MATK: variants seen among roughly 807,000 people sequenced by gnomAD.
MATK encodes the protein megakaryocyte-associated tyrosine kinase.
A neutral mutation model predicts 59.8 loss-of-function variants in MATK; 41 were observed. The observed-to-expected ratio is 0.69, with a 90% confidence interval of 0.53 to 0.89. The LOEUF (loss-of-function observed/expected upper bound fraction) is 0.89, where lower values mean the gene tolerates loss of function less well. MATK is among the 40% of genes least tolerant of loss of function. The pLI, the probability that MATK is intolerant of heterozygous loss-of-function variation, is 0.00. For synonymous variants in MATK, 308 were observed against 306.1 expected (o/e 1.01, Z -0.06); for missense variants, 593 against 719.6 (o/e 0.82, Z 2.01).
rs375962471 is a variant in MATK at position 3,778,506 on chromosome 19, C to T, written c.1284+3G>A. 1.2e-6 allele frequency: 2 copies of T among 1,613,838 alleles called. No individual in the cohort carries two copies. The highest frequency in any genetic ancestry group is 1.3e-5 in the African/African-American group (1 of 74,930). On this transcript the variant is annotated splice_donor_region_variant and intron_variant, in intron 13 of 13. Transcript: ENST00000310132. The stretch of plus-strand genomic sequence containing the variant: ...CCAGTGCCTCCCTGGGACCCCCGCT[C>T]ACCATTTTAGGGTACGGAGCCCGTC...
Position 3,783,866 on chromosome 19 carries a change from T to G in MATK, c.530A>C (p.His177Pro). The G allele has an allele frequency of 3.7e-6, 6 of 1,613,088 alleles. No homozygotes were observed. Among genetic ancestry groups the G allele is most frequent in the Non-Finnish European group, 5.1e-6 (6 of 1,179,844 alleles). Residue 177 changes from histidine to proline, a missense_variant, in exon 6 of 14, where the codon CAC (histidine) becomes CCC (proline). By Grantham distance (77) the His-to-Pro change is moderately conservative (BLOSUM62 -2). Transcript: ENST00000310132. ...GAACACGGCCTCATCGATTGTGAGGTGGCCGTCGCGGTGCAGCACGCGGTA... is the reference window on the plus strand; with the variant it reads ...GAACACGGCCTCATCGATTGTGAGGGGGCCGTCGCGGTGCAGCACGCGGTA... ...IHYRVLHRDG[H>P]LTIDEAVFFC...
chr19:3,781,550 G>A, intron 8 of MATK, 57 bp downstream of exon 8: 2 of 1,570,162 alleles, frequency 1.3e-6, no homozygotes, highest in Non-Finnish European at 1.8e-6. Flanking sequence ...TGACTCCAAA[G>A]CCTCAATACG....
At chr19:3,786,500 G>T, upstream of MATK, 2 of 660,476 alleles carry the variant, frequency 3.0e-6, no homozygotes, top group Non-Finnish European at 3.7e-6. The surrounding 1 kb of genome is among the most constrained non-coding windows in gnomAD (Gnocchi z 4.1). Flanking sequence ...TCCACGCCTG[G>T]CCCTGACCTG....
rs547868630 is a variant in MATK at position 3,783,855 on chromosome 19, C to G, written c.541G>C (p.Asp181His). 2 of 1,612,976 alleles carry G rather than the reference C, an allele frequency of 1.2e-6. No individual in the cohort carries two copies. The highest frequency in any genetic ancestry group is 1.7e-5 in the Admixed American group (1 of 59,984). The change falls in exon 6 of 14, where the codon GAT (aspartate) becomes CAT (histidine). Residue 181 changes from aspartate to histidine, a missense_variant. By Grantham distance (81) the Asp-to-His change is moderately conservative. Coordinates refer to ENST00000310132, the MANE Select transcript of MATK (RefSeq NM_139355.3). Reference sequence around the variant, plus strand: ...AGGTTGCAGAAGAACACGGCCTCATCGATTGTGAGGTGGCCGTCGCGGTGC... The same window carrying G: ...AGGTTGCAGAAGAACACGGCCTCATGGATTGTGAGGTGGCCGTCGCGGTGC... ...VLHRDGHLTI[D>H]EAVFFCNLMD...
intron 1 of MATK, chr19:3,793,160 G>A (rs2037558715): frequency 6.6e-6 from 1 of 152,224 alleles, no homozygotes; most frequent in African/African-American, 2.4e-5. Flanking sequence ...CGTCTTTGCT[G>A]GAAAACCCTT....
At chr19:3,800,553 G>A (rs2037633954) in intron 1 of MATK, among the ~76,000 whole-genome samples, 1 of 152,086 alleles carries the variant, frequency 6.6e-6, no homozygotes, top group Non-Finnish European at 1.5e-5. Context: ...GGCTGAGGCA[G>A]GAGAATCGCC....
chr19:3,791,411 C>T (rs900043276), upstream of MATK, among the ~76,000 whole-genome samples: 4 of 149,402 alleles, frequency 2.7e-5, no homozygotes, highest in African/African-American at 7.4e-5. Context: ...GGCACGATTT[C>T]GGCTCACTGC....
At chr19:3,783,540 TG>T (rs2037431159) in intron 6 of MATK, among the ~76,000 whole-genome samples, 1 of 151,490 alleles carries the variant, frequency 6.6e-6, no homozygotes, top group South Asian at 2.1e-4. Flanking sequence ...AATCCTACTG[TG>T]GGGGTCCTCC....
At chr19:3,791,003 G>C (rs1387890174), upstream of MATK, among the ~76,000 whole-genome samples, 5 of 152,126 alleles carry the variant, frequency 3.3e-5, no homozygotes, top group Admixed American at 3.3e-4. Context: ...GGAAAGACTG[G>C]TTCCGTATCC....
chr19:3,781,741 G>A (rs1013041343), intron 7 of MATK, 69 bp from the exon 8 acceptor site: 2 of 1,252,666 alleles, frequency 1.6e-6, no homozygotes, highest in African/African-American at 1.5e-5. Context: ...GTTCTACTTG[G>A]TGAGAGACTA....
Position 3,779,206 on chromosome 19 carries a change from AGT to A in MATK, c.1002-21_1002-20del, listed in dbSNP as rs757341443. ...CACGTGCCTGGGGGTAGTAGGGGGC[AGT>A]GGGGGCTCAGGTGCCAGGATGCCCA... On this transcript the variant is annotated intron_variant, in intron 11 of 13. Transcript: ENST00000310132. The A allele has an allele frequency of 8.9e-6, 14 of 1,566,736 alleles. No individual in the cohort carries two copies. In the African/African-American group the frequency reaches 1.6e-4, roughly 18 times the overall value.
intron 13 of MATK, 37 bp from the exon 14 acceptor site, chr19:3,778,459 A>C: frequency 6.2e-7 from 1 of 1,613,652 alleles, no homozygotes; most frequent in Non-Finnish European, 8.5e-7. Flanking sequence ...TCAGGGCCAC[A>C]GCCTCTGGAC....
At chr19:3,788,609 A>C (rs2037512130), upstream of MATK, among the ~76,000 whole-genome samples, 2 of 116,824 alleles carry the variant, frequency 1.7e-5, no homozygotes, top group East Asian at 2.5e-4. Context: ...ACAGAGTGAG[A>C]CTCTGTCTCC....
chr19:3,784,105 C>T lies in MATK; in HGVS notation c.362+19G>A. 1 of 1,598,682 alleles carries T rather than the reference C, an allele frequency of 6.3e-7. No individual in the cohort carries two copies. ...TCACTTGCTGTCCCCTACCCCAGGC[C>T]CCTGTCCTGCCCACTCACGGCATGA... is the stretch of plus-strand genomic sequence containing the variant. On this transcript the variant is annotated intron_variant, in intron 5 of 13. Transcript: ENST00000310132.
chr19:3,796,359 T>C (rs1266439856), intron 1 of MATK, among the ~76,000 whole-genome samples: 1 of 152,188 alleles, frequency 6.6e-6, no homozygotes, highest in African/African-American at 2.4e-5. Context: ...GATTTATCAG[T>C]TGGATGTTGT....
chr19:3,783,896 A>G lies in MATK; in HGVS notation c.500T>C (p.Ile167Thr). The change falls in exon 6 of 14, where the codon ATC becomes ACC. Residue 167 changes from isoleucine to threonine, a missense_variant. Physicochemically the swap from Ile to Thr is moderately conservative, Grantham distance 89. Transcript: ENST00000310132. Reference protein sequence around the residue: ...VLCVSFGRDVIHYRVLHRDGH... With the variant: ...VLCVSFGRDVTHYRVLHRDGH... ...GTCGCGGTGCAGCACGCGGTAGTGG[A>G]TGACGTCGCGGCCAAAGCTCACGCA... 6.2e-7 allele frequency: 1 copy of G among 1,613,038 alleles called. No homozygotes were observed. The highest frequency in any genetic ancestry group is 8.5e-7 in the Non-Finnish European group (1 of 1,179,882).
chr19:3,779,597 A>T lies in MATK; in HGVS notation c.863T>A (p.Leu288Gln). ...AVMTKMQHEN[L>Q]VRLLGVILHQ... ...CAGGATCACGCCCAGGAGACGCACCAGGTTCTCGTGTTGCATCTTCCTGGG... is the reference window on the plus strand; with the variant it reads ...CAGGATCACGCCCAGGAGACGCACCTGGTTCTCGTGTTGCATCTTCCTGGG... The change falls in exon 10 of 14, where the codon CTG becomes CAG. Residue 288 changes from leucine to glutamine, a missense_variant. Transcript: ENST00000310132. 1 of 1,611,818 alleles carries T rather than the reference A, an allele frequency of 6.2e-7. No homozygotes were observed. Among genetic ancestry groups the T allele is most frequent in the Non-Finnish European group, 8.5e-7 (1 of 1,179,444 alleles).
intron 5 of MATK, 21 bp from the exon 6 acceptor site, chr19:3,784,054 G>A (rs2037441793): frequency 6.3e-7 from 1 of 1,597,316 alleles, no homozygotes; most frequent in Admixed American, 1.7e-5. Flanking sequence ...GGAAGGGGTG[G>A]GTCAGACTGG....
At chr19:3,783,073 G>A in intron 7 of MATK, 53 bp downstream of exon 7, 2 of 1,575,992 alleles carry the variant, frequency 1.3e-6, no homozygotes, top group Non-Finnish European at 1.7e-6. Context: ...CTTCCTCCCG[G>A]ACTGGGCTAA....
Sources: gnomAD v4.1 joint callset for allele counts (sites outside exome capture counted in the v4.1 genomes callset) on GRCh38, gnomAD v4.1.1 for gene constraint, Gnocchi (gnomAD v3.1) non-coding constraint, MANE v1.5 for transcripts, NCBI Gene and HGNC (gene_info 2026-07-23, HGNC 2026-07-21) for gene names.